Variants in WNK3 observed in about 807,000 individuals in gnomAD.
WNK3 encodes WNK lysine deficient protein kinase 3.
Under a neutral mutation model 116.7 loss-of-function variants are expected in WNK3, and 18 were observed. That is an observed-to-expected ratio of 0.15 (90% CI 0.11 to 0.23). WNK3 has a LOEUF of 0.23. Ranked by LOEUF, WNK3 falls within the 10% of genes least tolerant of loss-of-function variation. The pLI, the probability that WNK3 is intolerant of heterozygous loss-of-function variation, is 1.00. For missense variants in WNK3, 993 were observed against 1,323.8 expected (o/e 0.75, Z 3.88); for synonymous variants, 404 against 469.4 (o/e 0.86, Z 1.80).
Position 54,251,798 on chromosome X carries a change from G to A in WNK3, c.2368-111C>T. The stretch of plus-strand genomic sequence containing the variant: ...AAAGAAAATTGGGCCAGGCACAGTG[G>A]CTCATGCCTGTAATCCCAGCACTTT... On this transcript the variant is annotated intron_variant, in intron 13 of 23. Transcript: ENST00000354646. 4.1e-6 allele frequency: 3 copies of A among 726,648 alleles called. No homozygotes were observed. In the Admixed American group the frequency reaches 1.1e-4, roughly 27 times the overall value. The allele number at this position is 726,648 out of a possible 1,213,427, so 59.9% of individuals were successfully genotyped here. A position where few individuals can be genotyped will look rare whatever the true frequency, so the allele number is the denominator to read the frequency against.
intron 20 of WNK3, among the ~76,000 whole-genome samples, chrX:54,233,401 G>A (rs2067925218): frequency 1.0e-5 from 1 of 97,474 alleles, no homozygotes; most frequent in South Asian, 5.4e-4. Context: ...TCACACCACT[G>A]CACTCCAGAC....
At position 54,217,918 on chromosome X, in the gene WNK3, T is replaced by C. The variant is rs561588181; in HGVS notation, c.4870+10796A>G. Among the ~76,000 whole-genome samples the C allele has an allele frequency of 4.5e-5, 5 of 111,632 alleles. No homozygotes were observed. The East Asian group carries it at 1.4e-3, about 31-fold the overall frequency. The stretch of plus-strand genomic sequence containing the variant: ...CCGATACTAGAAGTTCTTTAATATA[T>C]TATTTAAAATGTCCAGTTTGCACCA... On this transcript the variant is annotated intron_variant, in intron 22 of 23. Transcript: ENST00000354646.
At chrX:54,247,174 CAG>C (rs1412030142) in intron 17 of WNK3, among the ~76,000 whole-genome samples, 1 of 111,181 alleles carries the variant, frequency 9.0e-6, no homozygotes, top group Non-Finnish European at 1.9e-5. Context: ...AAGTATGATC[CAG>C]ATATAGCAAC....
intron 10 of WNK3, among the ~76,000 whole-genome samples, chrX:54,286,219 G>C (rs1377952762): frequency 9.5e-6 from 1 of 105,575 alleles, no homozygotes; most frequent in African/African-American, 3.7e-5. Context: ...AAAAAAAGGT[G>C]GGGGGGGAGA....
chrX:54,337,206 G>A (rs1368662942), intron 1 of WNK3, among the ~76,000 whole-genome samples: 1 of 111,624 alleles, frequency 9.0e-6, no homozygotes, highest in African/African-American at 3.3e-5. Flanking sequence ...AAATAGTTAA[G>A]CCAGAGAATT....
At chrX:54,273,267 A>G (rs782666081) in intron 10 of WNK3, among the ~76,000 whole-genome samples, 1 of 111,839 alleles carries the variant, frequency 8.9e-6, no homozygotes, top group Admixed American at 9.5e-5. Flanking sequence ...ACTACCTAAT[A>G]CTCTAGAAAG....
exon 21 of WNK3, chrX:54,232,990 G>A (rs781974691): frequency 1.7e-5 from 21 of 1,207,590 alleles, no homozygotes; most frequent in Non-Finnish European, 2.2e-5. Flanking sequence ...TATTCTGCTG[G>A]GTTTGAAGAT....
chrX:54,346,605 CAAAAAAAAAAAAA>C (rs57558276), intron 1 of WNK3, among the ~76,000 whole-genome samples: 1 of 47,393 alleles, frequency 2.1e-5, no homozygotes, highest in Non-Finnish European at 3.9e-5. Context: ...GACTCTGTCT[CAAAAAAAAAAAAA>C]AAAAAAAAGA....
chrX:54,272,627 C>T (rs1199566027), intron 10 of WNK3, among the ~76,000 whole-genome samples: 1 of 111,568 alleles, frequency 9.0e-6, no homozygotes, highest in Admixed American at 9.6e-5. Flanking sequence ...ACAAACTGAA[C>T]GTAGAGAATC....
At chrX:54,259,217 T>G in intron 11 of WNK3, 57 bp downstream of exon 11, 3 of 824,369 alleles carry the variant, frequency 3.6e-6, no homozygotes, top group Non-Finnish European at 5.3e-6. Context: ...ACCTAATGAG[T>G]AAACAAACTT....
chrX:54,244,351 C>T (rs1418480070), intron 17 of WNK3, among the ~76,000 whole-genome samples: 2 of 111,615 alleles, frequency 1.8e-5, no homozygotes, highest in African/African-American at 6.5e-5. Context: ...ACTATTATCT[C>T]GATTTTACAG....
chrX:54,325,288 A>C (rs2069085608), intron 2 of WNK3, among the ~76,000 whole-genome samples: 1 of 111,414 alleles, frequency 9.0e-6, no homozygotes, highest in South Asian at 3.7e-4. Flanking sequence ...CACATATCTG[A>C]CCACAGAGTG....
At chrX:54,292,706 CAAAAAA>C (rs1180750751) in intron 10 of WNK3, among the ~76,000 whole-genome samples, 176 bp downstream of exon 10, 6 of 22,488 alleles carry the variant, frequency 2.7e-4, no homozygotes, top group African/African-American at 9.3e-4. Flanking sequence ...CACTCCACCT[CAAAAAA>C]AAAAAAAAAA....
At chrX:54,302,337 GC>G (rs1321217145) in intron 5 of WNK3, among the ~76,000 whole-genome samples, 1 of 110,825 alleles carries the variant, frequency 9.0e-6, no homozygotes, top group East Asian at 2.8e-4. Flanking sequence ...TCGCTCTGTC[GC>G]CCAGGCTGGA....
rs782296821 is a variant in WNK3, at chrX:54,254,647, C to T, written c.2251-572G>A. On this transcript the variant is annotated intron_variant, in intron 12 of 23. Transcript: ENST00000354646. ...ACAGACAGACAAAAAGAGTAAAAGA[C>T]AGCAAGTTAGAAAAAAGACAGACTG... 1.7e-3 allele frequency among the ~76,000 whole-genome samples: 187 copies of T among 111,073 alleles called. 1 individual carries two copies. Among genetic ancestry groups the T allele is most frequent in the African/African-American group, 6.0e-3 (184 of 30,652 alleles).
rs185500571 is a variant in WNK3 at position 54,351,710 on chromosome X, G to A, written c.-120+5976C>T. Among the ~76,000 whole-genome samples, 175 of 111,285 alleles carry A rather than the reference G, an allele frequency of 1.6e-3. 1 individual carries two copies. Among genetic ancestry groups the A allele is most frequent in the African/African-American group, 5.4e-3 (167 of 30,687 alleles). On this transcript the variant is annotated intron_variant, in intron 1 of 23. Transcript: ENST00000354646. ...GTGGATCATCTGAGGTCAGGAGTTC[G>A]AGACCAGCCTGGCTAACATGGCAAA...
At chrX:54,276,389 C>CAT (rs2068448219) in intron 10 of WNK3, among the ~76,000 whole-genome samples, 1 of 110,852 alleles carries the variant, frequency 9.0e-6, no homozygotes, top group Non-Finnish European at 1.9e-5. Context: ...AGGAGAAATA[C>CAT]ATATATCTAC....
At chrX:54,239,348 T>A (rs2067999292) in intron 17 of WNK3, among the ~76,000 whole-genome samples, 1 of 111,301 alleles carries the variant, frequency 9.0e-6, no homozygotes, top group Non-Finnish European at 1.9e-5. Flanking sequence ...TTAAAAATAT[T>A]ATTTAGACTT....
chrX:54,215,109 T>C (rs1603373388), intron 22 of WNK3, among the ~76,000 whole-genome samples: 1 of 62,844 alleles, frequency 1.6e-5, no homozygotes, highest in Non-Finnish European at 2.6e-5. Context: ...AGAGCCAGAC[T>C]CCATCTCAAA....
Sources: gnomAD v4.1 joint callset for allele counts (sites outside exome capture counted in the v4.1 genomes callset) on GRCh38, gnomAD v4.1.1 for gene constraint, MANE v1.5 for transcripts, NCBI Gene and HGNC (gene_info 2026-07-23, HGNC 2026-07-21) for gene names.